AOX1: variants seen among roughly 807,000 people sequenced by gnomAD.
AOX1 encodes aldehyde oxidase.
In AOX1, 153 loss-of-function variants were observed where a neutral mutation model predicts 169.5. The observed-to-expected ratio is 0.90, with a 90% CI of 0.79 to 1.03. The LOEUF (loss-of-function observed/expected upper bound fraction) is 1.03. AOX1 is among the 50% of genes least tolerant of loss of function. AOX1 has a pLI of 0.00. For missense variants in AOX1, 1,656 were observed against 1,663.9 expected (o/e 1.00, Z 0.08); for synonymous variants, 562 against 581.9 (o/e 0.97, Z 0.49).
At chr2:200,609,776 G>A (rs1211005649) in intron 12 of AOX1, among the ~76,000 whole-genome samples, 1 of 152,140 alleles carries the variant, frequency 6.6e-6, no homozygotes, top group Non-Finnish European at 1.5e-5. Flanking sequence ...GAGTGTTGTG[G>A]CACCCACATC....
chr2:200,661,156 A>G (rs778898246), intron 29 of AOX1, among the ~76,000 whole-genome samples: 3 of 152,224 alleles, frequency 2.0e-5, no homozygotes, highest in Non-Finnish European at 4.4e-5. Context: ...TGTGTCCAGA[A>G]AGGATTGACA....
At chr2:200,670,576 C>G in intron 34 of AOX1, 53 bp from the exon 35 acceptor site, 2 of 1,500,546 alleles carry the variant, frequency 1.3e-6, no homozygotes, top group Non-Finnish European at 9.2e-7. Context: ...TATTTTTCAC[C>G]TAAGTCACAA....
downstream of AOX1, among the ~76,000 whole-genome samples, chr2:200,673,970 A>G (rs111917437): frequency 2.5e-4 from 38 of 152,338 alleles, no homozygotes; most frequent in African/African-American, 9.1e-4. Context: ...AAGTAACTTG[A>G]GGATCTTGTG....
intron 33 of AOX1, among the ~76,000 whole-genome samples, chr2:200,669,127 G>A (rs1211977417): frequency 6.6e-6 from 1 of 152,078 alleles, no homozygotes; most frequent in Non-Finnish European, 1.5e-5. Flanking sequence ...TGGATCAAAA[G>A]ATTAAATTAC....
intron 26 of AOX1, 107 bp downstream of exon 26, chr2:200,651,308 T>A: frequency 1.1e-6 from 1 of 924,682 alleles, no homozygotes; most frequent in South Asian, 1.6e-5. Context: ...ATGGTTGCAA[T>A]GCCCAATTGT....
chr2:200,593,295 G>A, intron 2 of AOX1, 92 bp downstream of exon 2: 1 of 1,013,678 alleles, frequency 9.9e-7, no homozygotes, highest in Non-Finnish European at 1.5e-6. Flanking sequence ...ATACATTAGA[G>A]ACACTGAGAC....
chr2:200,666,851 T>C, intron 32 of AOX1, 99 bp downstream of exon 32: 8 of 788,858 alleles, frequency 1.0e-5, no homozygotes, highest in Middle Eastern at 2.4e-4. Context: ...ATCATCTTAT[T>C]TTTCTAACCC....
chr2:200,622,552 G>T (rs2034907874), intron 18 of AOX1, among the ~76,000 whole-genome samples: 1 of 152,186 alleles, frequency 6.6e-6, no homozygotes, highest in Admixed American at 6.5e-5. Context: ...TGAACTCAAG[G>T]TTGAAACTCC....
chr2:200,593,471 G>A (rs1354816136), intron 2 of AOX1, among the ~76,000 whole-genome samples: 2 of 74,212 alleles, frequency 2.7e-5, no homozygotes, highest in African/African-American at 8.7e-5. Flanking sequence ...ACCTAACTAA[G>A]CATCCTTTAG....
At position 200,586,074 on chromosome 2, in the gene AOX1, C is replaced by G. The variant is rs1301719560; in HGVS notation, c.-35C>G. 1 of 1,548,690 alleles carries G rather than the reference C, an allele frequency of 6.5e-7. No homozygotes were observed. The highest frequency in any genetic ancestry group is 2.0e-5 in the Admixed American group (1 of 51,206). Reference sequence around the variant, plus strand: ...CGCTACTTCCCAGAACCTCCGCCTCCCGCTCCGGGCCCTCGAACCAGCGCG... The same window carrying G: ...CGCTACTTCCCAGAACCTCCGCCTCGCGCTCCGGGCCCTCGAACCAGCGCG... On this transcript the variant is annotated 5_prime_UTR_variant, in exon 1 of 35. Transcript: ENST00000374700.
Position 200,616,856 on chromosome 2 carries a change from G to A in AOX1, c.1704+793G>A, listed in dbSNP as rs79879339. 9.7e-4 allele frequency among the ~76,000 whole-genome samples: 148 copies of A among 152,304 alleles called. 4 individuals are homozygous for A. The East Asian group carries it at 0.028, about 28-fold the overall frequency. ...ACTGAAACTATTGTTGGATTTGGTT[G>A]TGAAAGCTTATAGTATGTCGTAATG... is the stretch of plus-strand genomic sequence containing the variant. On this transcript the variant is annotated intron_variant, in intron 16 of 34. Transcript: ENST00000374700.
At chr2:200,658,940 C>T (rs749591529) in intron 27 of AOX1, among the ~76,000 whole-genome samples, 6 of 152,202 alleles carry the variant, frequency 3.9e-5, no homozygotes, top group Non-Finnish European at 8.8e-5. Context: ...CTGACACTAT[C>T]ACCAGAAAGT....
intron 27 of AOX1, 109 bp downstream of exon 27, chr2:200,657,046 G>A (rs1446847859): frequency 2.4e-5 from 17 of 694,218 alleles, no homozygotes; most frequent in African/African-American, 1.5e-4. Context: ...ATAGGAAGCT[G>A]GGTGAGGTGG....
intron 1 of AOX1, 55 bp from the exon 2 acceptor site, chr2:200,593,091 A>G (rs2034208194): frequency 7.6e-7 from 1 of 1,319,098 alleles, no homozygotes; most frequent in Admixed American, 1.7e-5. Context: ...TGATCCTACC[A>G]ATGTGAATTT....
At chr2:200,608,449 A>G (rs1449002414) in intron 10 of AOX1, among the ~76,000 whole-genome samples, 1 of 152,198 alleles carries the variant, frequency 6.6e-6, no homozygotes, top group Non-Finnish European at 1.5e-5. Context: ...GGAAATTGAT[A>G]TAATGGCAAT....
chr2:200,656,810 T>C, intron 26 of AOX1, 32 bp from the exon 27 acceptor site: 2 of 1,419,420 alleles, frequency 1.4e-6, no homozygotes, highest in Non-Finnish European at 1.9e-6. Context: ...ATCAAAAAGA[T>C]CACAGAAACA....
chr2:200,654,872 TAACTA>T (rs1190314653), intron 26 of AOX1, among the ~76,000 whole-genome samples: 3 of 152,202 alleles, frequency 2.0e-5, no homozygotes, highest in Non-Finnish European at 4.4e-5. Context: ...TGGTGCCACT[TAACTA>T]AACCAAATTT....
At chr2:200,659,779 C>CTG (rs1553578745) in intron 28 of AOX1, among the ~76,000 whole-genome samples, 1 of 80,018 alleles carries the variant, frequency 1.2e-5, no homozygotes, top group Non-Finnish European at 2.3e-5. Context: ...AAGGCCAGTT[C>CTG]TCTCTCTCAC....
chr2:200,609,120 G>T lies in AOX1; in HGVS notation c.1044G>T (p.Gln348His). Residue 348 changes from glutamine to histidine, a missense_variant, in exon 11 of 35, where the codon CAG (glutamine) becomes CAT (histidine). Gln to His is a conservative substitution (Grantham distance 24). Coordinates refer to ENST00000374700, the MANE Select transcript of AOX1 (RefSeq NM_001159.4). ...LKHLGTLAGS[Q>H]IRNMASLGGH... ...ATTTGGGAACTCTGGCTGGGTCCCAGATCAGGAACATGGCTGTATGTATCT... is the reference window on the plus strand; with the variant it reads ...ATTTGGGAACTCTGGCTGGGTCCCATATCAGGAACATGGCTGTATGTATCT... The T allele has an allele frequency of 6.2e-7, 1 of 1,613,910 alleles. No individual in the cohort carries two copies. The highest frequency in any genetic ancestry group is 1.3e-5 in the African/African-American group (1 of 74,900).
Sources: gnomAD v4.1 joint callset for allele counts (sites outside exome capture counted in the v4.1 genomes callset) on GRCh38, gnomAD v4.1.1 for gene constraint, MANE v1.5 for transcripts, NCBI Gene and HGNC (gene_info 2026-07-23, HGNC 2026-07-21) for gene names.